The following GNAQ variants were observed in gnomAD, a reference collection of about 807,000 sequenced individuals.
The protein encoded by GNAQ is guanine nucleotide-binding protein G(q) subunit alpha.
GNAQ carries 8 observed loss-of-function variants against 43.9 expected under a neutral mutation model. The observed-to-expected ratio is 0.18, with a 90% CI of 0.11 to 0.33. The LOEUF is 0.33. Ranked by LOEUF, GNAQ falls within the 10% of genes least tolerant of loss-of-function variation. The pLI is 1.00. For synonymous variants in GNAQ, 155 were observed against 170.7 expected (o/e 0.91, Z 0.71); for missense variants, 158 against 450.8 (o/e 0.35, Z 5.88).
intron 1 of GNAQ, among the ~76,000 whole-genome samples, chr9:77,944,650 T>C (rs192040180): frequency 2.0e-5 from 3 of 152,310 alleles, no homozygotes; most frequent in Admixed American, 6.5e-5. Context: ...CTGCCACTCA[T>C]TGTAACGCAA....
intron 3 of GNAQ, among the ~76,000 whole-genome samples, chr9:77,805,143 G>A (rs1038558328): frequency 2.1e-4 from 32 of 152,158 alleles, no homozygotes; most frequent in African/African-American, 7.7e-4. Flanking sequence ...GGAGAGTCAA[G>A]GAGAGGTTTT....
rs565266709 is a variant in GNAQ, at chr9:77,942,142, T to C, written c.137-19797A>G. Among the ~76,000 whole-genome samples the C allele has an allele frequency of 2.6e-5, 4 of 152,232 alleles. No homozygotes were observed. In the East Asian group the frequency reaches 7.7e-4, roughly 29 times the overall value. ...GAAACTGGGAGAAAAAAAAGGTCTA[T>C]CCCCTTACAAGGACTTTACTTCAAA... On this transcript the variant is annotated intron_variant, in intron 1 of 6. Coordinates refer to ENST00000286548, the MANE Select transcript of GNAQ (RefSeq NM_002072.5).
chr9:77,919,308 A>G (rs1484393350), intron 2 of GNAQ, among the ~76,000 whole-genome samples: 1 of 152,244 alleles, frequency 6.6e-6, no homozygotes, highest in Non-Finnish European at 1.5e-5. Flanking sequence ...GAATGAATGC[A>G]AAGATGGAAC....
chr9:77,749,208 T>C lies in GNAQ; in HGVS notation c.736-20541A>G, dbSNP rs114103493. Among the ~76,000 whole-genome samples, 965 of 152,324 alleles carry C rather than the reference T, an allele frequency of 6.3e-3. 12 individuals carry two copies. The highest frequency in any genetic ancestry group is 0.022 in the African/African-American group (921 of 41,570). On this transcript the variant is annotated intron_variant, in intron 5 of 6. Transcript: ENST00000286548. ...CCCCTGGCTGCCATGGACCCATTCT[T>C]GCTTTGGGTCTAAGTCAAAACATCC...
intron 2 of GNAQ, among the ~76,000 whole-genome samples, chr9:77,885,634 G>A (rs1828289642): frequency 6.6e-6 from 1 of 152,004 alleles, no homozygotes; most frequent in Non-Finnish European, 1.5e-5. Context: ...TGAAATACCA[G>A]GCCCCAAATC....
chr9:77,854,258 A>C (rs1827717593), intron 2 of GNAQ, among the ~76,000 whole-genome samples: 3 of 152,216 alleles, frequency 2.0e-5, no homozygotes. Flanking sequence ...ATGGCTAAAG[A>C]ACAATGTCTT....
intron 1 of GNAQ, among the ~76,000 whole-genome samples, chr9:78,006,951 G>A (rs1308309683): frequency 6.6e-6 from 1 of 152,138 alleles, no homozygotes. Flanking sequence ...TGAGAGATGA[G>A]CCAAGTACTC....
chr9:77,934,227 G>A (rs943846739), intron 1 of GNAQ, among the ~76,000 whole-genome samples: 1 of 152,020 alleles, frequency 6.6e-6, no homozygotes, highest in African/African-American at 2.4e-5. Context: ...GAGCGAATTG[G>A]CCTGGATGAC....
At chr9:77,778,567 G>A (rs1398935907) in intron 5 of GNAQ, among the ~76,000 whole-genome samples, 1 of 151,816 alleles carries the variant, frequency 6.6e-6, no homozygotes, top group African/African-American at 2.4e-5. Flanking sequence ...GATCATGGTA[G>A]ATATTATTGC....
chr9:77,907,738 T>C (rs1398567077), intron 2 of GNAQ, among the ~76,000 whole-genome samples: 1 of 152,210 alleles, frequency 6.6e-6, no homozygotes, highest in Non-Finnish European at 1.5e-5. Flanking sequence ...GGCTCTCTGA[T>C]TAAATACTGA....
chr9:77,745,305 T>TA (rs1825711874), intron 5 of GNAQ, among the ~76,000 whole-genome samples: 1 of 152,126 alleles, frequency 6.6e-6, no homozygotes, highest in African/African-American at 2.4e-5. Flanking sequence ...AGCTGTTTAG[T>TA]GCTTCAGTGC....
chr9:77,904,313 C>T (rs889289451), intron 2 of GNAQ, among the ~76,000 whole-genome samples: 2 of 123,560 alleles, frequency 1.6e-5, no homozygotes, highest in Non-Finnish European at 3.4e-5. Flanking sequence ...GAAGTTCACA[C>T]CGGCTTTTTT....
chr9:77,840,612 C>T (rs1433691933), intron 2 of GNAQ, among the ~76,000 whole-genome samples: 1 of 152,170 alleles, frequency 6.6e-6, no homozygotes, highest in Non-Finnish European at 1.5e-5. Context: ...GCTGGGATTA[C>T]AGGAGTGAGC....
chr9:77,763,098 AAAT>A (rs1434829172), intron 5 of GNAQ, among the ~76,000 whole-genome samples: 2 of 149,344 alleles, frequency 1.3e-5, no homozygotes, highest in African/African-American at 5.0e-5. Flanking sequence ...TGATCAATAA[AAAT>A]AAAATTAAAA....
At chr9:77,965,671 A>AT (rs912979246) in intron 1 of GNAQ, among the ~76,000 whole-genome samples, 1 of 152,060 alleles carries the variant, frequency 6.6e-6, no homozygotes, top group East Asian at 1.9e-4. Flanking sequence ...AAATGGCAAC[A>AT]TTTTTTTAAA....
At chr9:78,001,627 C>A (rs1823645410) in intron 1 of GNAQ, among the ~76,000 whole-genome samples, 1 of 151,132 alleles carries the variant, frequency 6.6e-6, no homozygotes, top group African/African-American at 2.4e-5. Flanking sequence ...AGTTGAAACA[C>A]CGATTTCCTC....
chr9:77,742,297 T>C (rs1337633831), intron 5 of GNAQ, among the ~76,000 whole-genome samples: 1 of 152,132 alleles, frequency 6.6e-6, no homozygotes, highest in East Asian at 1.9e-4. Context: ...TTCCATATAA[T>C]GCACATGTGA....
chr9:77,802,941 G>A (rs1417276002), intron 3 of GNAQ, among the ~76,000 whole-genome samples: 1 of 151,866 alleles, frequency 6.6e-6, no homozygotes, highest in Non-Finnish European at 1.5e-5. Flanking sequence ...TTTAAAAAAA[G>A]AAACCCCGAG....
At position 77,797,600 on chromosome 9, in the gene GNAQ, C is replaced by A. The variant is rs781681141; in HGVS notation, c.525G>T (p.Thr175=). The A allele has an allele frequency of 6.2e-7, 1 of 1,613,134 alleles. No homozygotes were observed. The highest frequency in any genetic ancestry group is 1.1e-5 in the South Asian group (1 of 91,032). Residue 175 remains threonine, a synonymous_variant, in exon 4 of 7, where the codon ACG becomes ACT. Transcript: ENST00000286548. ...DRVADPAYLP[T]QQDVLRVRVP... ...CTCGAACTCTAAGCACATCTTGTTGCGTAGGCAGGTAGGCAGGGTCAGCTA... is the reference window on the plus strand; with the variant it reads ...CTCGAACTCTAAGCACATCTTGTTGAGTAGGCAGGTAGGCAGGGTCAGCTA...
Sources: gnomAD v4.1 joint callset for allele counts (sites outside exome capture counted in the v4.1 genomes callset) on GRCh38, gnomAD v4.1.1 for gene constraint, MANE v1.5 for transcripts, NCBI Gene and HGNC (gene_info 2026-07-23, HGNC 2026-07-21) for gene names.